CCT3: variants seen among roughly 807,000 people sequenced by gnomAD.
CCT3 encodes T-complex protein 1 subunit gamma.
Under a neutral mutation model 65.3 loss-of-function variants are expected in CCT3, and 10 were observed. That is an observed-to-expected ratio of 0.15 (90% confidence interval 0.09 to 0.26). The LOEUF is 0.26. Among genes scored for constraint, CCT3 ranks in the 10% least tolerant of loss-of-function variants. CCT3 has a pLI of 1.00. For synonymous variants in CCT3, 225 were observed against 242.3 expected (o/e 0.93, Z 0.66); for missense variants, 626 against 708.7 (o/e 0.88, Z 1.33).
chr1:156,331,487 A>T (rs558410064), intron 5 of CCT3, among the ~76,000 whole-genome samples: 1 of 152,232 alleles, frequency 6.6e-6, no homozygotes, highest in South Asian at 2.1e-4. Flanking sequence ...GTTCGAGATC[A>T]GTCTGGCCAA....
intron 13 of CCT3, 52 bp downstream of exon 13, chr1:156,310,506 A>G (rs948450807): frequency 2.8e-6 from 2 of 722,806 alleles, no homozygotes; most frequent in Admixed American, 3.7e-5. Flanking sequence ...AAATAAATAG[A>G]TAAATAAATA....
intron 7 of CCT3, among the ~76,000 whole-genome samples, chr1:156,320,540 G>A (rs1664504758): frequency 6.6e-6 from 1 of 152,170 alleles, no homozygotes; most frequent in Non-Finnish European, 1.5e-5. Flanking sequence ...TTGAGGCCAG[G>A]AGTTCAAGAC....
chr1:156,315,469 A>G (rs970010649), intron 10 of CCT3, among the ~76,000 whole-genome samples: 4 of 152,166 alleles, frequency 2.6e-5, no homozygotes, highest in Non-Finnish European at 4.4e-5. Context: ...TTGGCCTCCC[A>G]AAGTGCTGGG....
At chr1:156,332,769 T>C (rs1211842893) in intron 5 of CCT3, 2 of 152,240 alleles carry the variant, frequency 1.3e-5, no homozygotes, top group Non-Finnish European at 2.9e-5. Flanking sequence ...GGCTGTGATG[T>C]GCCTTACAGA....
rs766142147 is a variant in CCT3 at position 156,318,944 on chromosome 1, C to T, written c.683G>A (p.Arg228His). The change falls in exon 8 of 14, where the codon CGT (arginine) becomes CAT (histidine). Residue 228 changes from arginine to histidine, a missense_variant. Arg to His is a conservative substitution (Grantham distance 29). Transcript: ENST00000295688. ...VMINKDVTHPRMRRYIKNPRI... is the reference protein window; with the variant it reads ...VMINKDVTHPHMRRYIKNPRI... The stretch of plus-strand genomic sequence containing the variant: ...AGGGTTCTTGATATAGCGCCGCATA[C>T]GTGGATGGGTCACATCCTTGTTAAT... 1.7e-5 allele frequency: 27 copies of T among 1,613,976 alleles called. No individual in the cohort carries two copies. The Middle Eastern group carries it at 4.9e-4, about 29-fold the overall frequency.
intron 2 of CCT3, 146 bp from the exon 3 acceptor site, chr1:156,335,064 T>C (rs1665277822): frequency 3.1e-6 from 2 of 649,180 alleles, no homozygotes; most frequent in Non-Finnish European, 5.1e-6. Flanking sequence ...AGATATGGGG[T>C]CTCACCATGT....
At chr1:156,334,840 T>C in intron 3 of CCT3, 28 bp downstream of exon 3, 1 of 1,613,920 alleles carries the variant, frequency 6.2e-7, no homozygotes, top group Non-Finnish European at 8.5e-7. Context: ...AATTGTAGCC[T>C]AAGAGTTTTA....
chr1:156,312,346 G>C (rs1664120962), intron 10 of CCT3, 125 bp from the exon 11 acceptor site: 2 of 782,000 alleles, frequency 2.6e-6, no homozygotes, highest in Admixed American at 6.1e-5. Context: ...CACTTAAGAG[G>C]TCTTGCCTGT....
At chr1:156,315,381 G>C (rs1257811059) in intron 10 of CCT3, among the ~76,000 whole-genome samples, 3 of 151,970 alleles carry the variant, frequency 2.0e-5, no homozygotes, top group Non-Finnish European at 4.4e-5. Flanking sequence ...GCTAATTTTT[G>C]TATTATTATT....
chr1:156,314,375 C>T (rs1011119763), intron 10 of CCT3, among the ~76,000 whole-genome samples: 1 of 152,112 alleles, frequency 6.6e-6, no homozygotes, highest in African/African-American at 2.4e-5. Context: ...AGATATGAAT[C>T]TTGGAGAAAC....
chr1:156,309,428 T>A (rs1170755317), intron 13 of CCT3, 125 bp from the exon 14 acceptor site: 6 of 674,956 alleles, frequency 8.9e-6, no homozygotes, highest in Admixed American at 5.1e-5. Context: ...ACCTTTTCAG[T>A]CTTTTATTTT....
rs1221923183 is a variant in CCT3, at chr1:156,323,306, C to T, written c.422+1666G>A. On this transcript the variant is annotated intron_variant, in intron 6 of 13. Coordinates refer to ENST00000295688, the MANE Select transcript of CCT3 (RefSeq NM_005998.5). The stretch of plus-strand genomic sequence containing the variant: ...GACTGGGCAACAAGTACAAAAACTC[C>T]GTCTCAAGAAAAAAAAAAAAGAGCA... Among the ~76,000 whole-genome samples the T allele has an allele frequency of 5.0e-5, 6 of 120,664 alleles. No homozygotes were observed. The East Asian group carries it at 9.6e-4, about 19-fold the overall frequency. The allele number at this position is 120,664 out of a possible 152,430, so 79.2% of individuals were successfully genotyped here.
chr1:156,333,258 A>G (rs1304701425), intron 5 of CCT3: 1 of 309,730 alleles, frequency 3.2e-6, no homozygotes, highest in African/African-American at 2.4e-5. Flanking sequence ...GCACCACCAC[A>G]CTCCAGCATG....
chr1:156,328,057 ATCTGGC>A (rs1664920549), intron 5 of CCT3, among the ~76,000 whole-genome samples: 11 of 4,640 alleles, frequency 2.4e-3, no homozygotes, highest in South Asian at 8.5e-3. Flanking sequence ...CAGCCGCCCC[ATCTGGC>A]AGGGAGGTGG....
chr1:156,326,381 G>T (rs955641420), intron 5 of CCT3, among the ~76,000 whole-genome samples: 1 of 152,006 alleles, frequency 6.6e-6, no homozygotes, highest in Admixed American at 6.6e-5. Flanking sequence ...GCTGGGTGTG[G>T]TGGCTCACAT....
In CCT3 at chr1:156,309,108, A is replaced by G; in HGVS notation, c.*91T>C. 1 of 894,984 alleles carries G rather than the reference A, an allele frequency of 1.1e-6. No homozygotes were observed. The allele number at this position is 894,984 out of a possible 1,614,324, so 55.4% of individuals were successfully genotyped here. A position where few individuals can be genotyped will look rare whatever the true frequency, so the allele number is the denominator to read the frequency against. ...CTGCCCCCCAACCTGATCCCTTCTG[A>G]ACAAAGACGTCCACAGTGTTCCTGG... On this transcript the variant is annotated 3_prime_UTR_variant, in exon 14 of 14. Transcript: ENST00000295688.
chr1:156,318,933 A>C lies in CCT3; in HGVS notation c.694T>G (p.Tyr232Asp). The stretch of plus-strand genomic sequence containing the variant: ...AGCACAATGCGAGGGTTCTTGATAT[A>C]GCGCCGCATACGTGGATGGGTCACA... ...KDVTHPRMRR[Y>D]IKNPRIVLLD... The change falls in exon 8 of 14, where the codon TAT (tyrosine) becomes GAT (aspartate). Residue 232 changes from tyrosine (Y) to aspartate (D), a missense_variant. Physicochemically the swap from Tyr to Asp is radical, Grantham distance 160 (BLOSUM62 -3). Coordinates refer to ENST00000295688, the MANE Select transcript of CCT3 (RefSeq NM_005998.5). 4 of 1,614,102 alleles carry C rather than the reference A, an allele frequency of 2.5e-6. No individual in the cohort carries two copies. The highest frequency in any genetic ancestry group is 3.4e-6 in the Non-Finnish European group (4 of 1,180,014).
intron 5 of CCT3, among the ~76,000 whole-genome samples, chr1:156,330,411 C>A (rs1295797286): frequency 2.6e-5 from 4 of 152,190 alleles, no homozygotes; most frequent in African/African-American, 9.7e-5. Flanking sequence ...CCTGTAATCC[C>A]AGCACTTTGG....
chr1:156,329,852 T>C (rs1665034162), intron 5 of CCT3, among the ~76,000 whole-genome samples: 1 of 151,728 alleles, frequency 6.6e-6, no homozygotes, highest in Admixed American at 6.6e-5. Flanking sequence ...GGCAGGAGAA[T>C]TGCTGGAACC....
Sources: allele counts gnomAD v4.1 joint callset (sites outside exome capture counted in the v4.1 genomes callset), GRCh38; gene constraint gnomAD v4.1.1; transcripts MANE v1.5; gene names NCBI Gene and HGNC (gene_info 2026-07-23, HGNC 2026-07-21).